FAM120B: variants seen among roughly 807,000 people sequenced by gnomAD.
FAM120B encodes constitutive coactivator of peroxisome proliferator-activated receptor gamma.
Under a neutral mutation model 96.3 loss-of-function variants are expected in FAM120B, and 83 were observed. The observed-to-expected ratio is 0.86, with a 90% CI of 0.72 to 1.03. The LOEUF is 1.03. FAM120B is among the 50% of genes least tolerant of loss of function. The pLI is 0.00. For missense variants in FAM120B, 1,027 were observed against 1,121.2 expected, an observed-to-expected ratio of 0.92 and a Z score of 1.20; for synonymous variants, 407 against 402.7, an observed-to-expected ratio of 1.01 and a Z score of -0.13.
intron 4 of FAM120B, among the ~76,000 whole-genome samples, chr6:170,347,088 A>G (rs1050868366): frequency 6.6e-6 from 1 of 152,228 alleles, no homozygotes; most frequent in African/African-American, 2.4e-5. Context: ...GGCGGGAAAT[A>G]TACCACTGAG....
At position 170,358,333 on chromosome 6, in the gene FAM120B, A is replaced by G. The variant is rs762742788; in HGVS notation, c.2283+15A>G. 2.5e-6 allele frequency: 4 copies of G among 1,570,266 alleles called. No individual in the cohort carries two copies. The South Asian group carries it at 3.4e-5, about 13-fold the overall frequency. On this transcript the variant is annotated intron_variant, in intron 6 of 10. Coordinates refer to ENST00000476287, the MANE Select transcript of FAM120B (RefSeq NM_032448.3). ...TAAATCTACAGGTACAGACGTGACC[A>G]GTTAGTTGTCACTGCCCGGAAGACA... is the stretch of plus-strand genomic sequence containing the variant.
chr6:170,397,756 G>A (rs909751377), intron 9 of FAM120B, among the ~76,000 whole-genome samples: 4 of 152,162 alleles, frequency 2.6e-5, no homozygotes, highest in Admixed American at 6.5e-5. Context: ...CTGGAGATCC[G>A]TGACCAGCCT....
At chr6:170,357,976 G>A (rs949506889) in intron 5 of FAM120B, among the ~76,000 whole-genome samples, 5 of 152,172 alleles carry the variant, frequency 3.3e-5, no homozygotes, top group African/African-American at 9.6e-5. Flanking sequence ...GCACCTGTGC[G>A]TGTGCCTGTG....
chr6:170,400,507 G>A (rs1178383136), intron 9 of FAM120B, among the ~76,000 whole-genome samples: 1 of 152,120 alleles, frequency 6.6e-6, no homozygotes, highest in Non-Finnish European at 1.5e-5. Context: ...CTCAAGCGCT[G>A]GTTCTGCCCC....
In FAM120B at chr6:170,323,099, C is replaced by G; in HGVS notation, c.1755C>G (p.Val585=). 1 of 1,612,942 alleles carries G rather than the reference C, an allele frequency of 6.2e-7. No individual in the cohort carries two copies. Among genetic ancestry groups the G allele is most frequent in the East Asian group, 2.2e-5 (1 of 44,798 alleles). The part of the protein sequence containing the change: ...EILKVARTHH[V]QAESYLVYNI... ...AACAGGTTGCTAGAACACATCACGT[C>G]CAAGCAGAAAGCTACCTGGTGTACA... is the stretch of plus-strand genomic sequence containing the variant. The change falls in exon 3 of 11, where the codon GTC becomes GTG. Residue 585 remains valine (V), a synonymous_variant. Transcript: ENST00000476287.
At chr6:170,393,322 C>G (rs1013224136) in intron 8 of FAM120B, among the ~76,000 whole-genome samples, 1 of 152,134 alleles carries the variant, frequency 6.6e-6, no homozygotes, top group African/African-American at 2.4e-5. Context: ...ACTCCTCTTT[C>G]ATTTCAGAGG....
Position 170,391,059 on chromosome 6 carries a change from A to G in FAM120B, c.2537A>G (p.Lys846Arg). ...CACAACCTGAAGGCAGTCGTCTGCAAGGCCTGCATGAAGGAGAACAGACGC... is the reference window on the plus strand; with the variant it reads ...CACAACCTGAAGGCAGTCGTCTGCAGGGCCTGCATGAAGGAGAACAGACGC... The part of the protein sequence containing the change: ...KFHNLKAVVC[K>R]ACMKENRRIT... Residue 846 changes from lysine to arginine, a missense_variant, in exon 8 of 11, where the codon AAG becomes AGG. Physicochemically the swap from Lys to Arg is conservative, Grantham distance 26 (BLOSUM62 2). This residue lies in a region of FAM120B where 142 missense variants were observed against 122.5 expected (regional missense o/e 1.16). Coordinates refer to ENST00000476287, the MANE Select transcript of FAM120B (RefSeq NM_032448.3). The G allele has an allele frequency of 6.2e-7, 1 of 1,614,194 alleles. No individual in the cohort carries two copies. The highest frequency in any genetic ancestry group is 1.3e-5 in the African/African-American group (1 of 75,060).
chr6:170,327,327 T>G (rs969792016), intron 3 of FAM120B, among the ~76,000 whole-genome samples: 7 of 152,188 alleles, frequency 4.6e-5, no homozygotes, highest in Non-Finnish European at 1.0e-4. Context: ...ATTACAGGCG[T>G]GAGCCACCGC....
At chr6:170,357,403 T>G (rs1428296498) in intron 5 of FAM120B, among the ~76,000 whole-genome samples, 1 of 152,152 alleles carries the variant, frequency 6.6e-6, no homozygotes, top group African/African-American at 2.4e-5. Context: ...CCTCTCCTTA[T>G]CTCCATCATC....
At chr6:170,294,489 C>T (rs1783954237), upstream of FAM120B, among the ~76,000 whole-genome samples, 1 of 152,134 alleles carries the variant, frequency 6.6e-6, no homozygotes, top group Non-Finnish European at 1.5e-5. The surrounding 1 kb of genome is among the most constrained non-coding windows in gnomAD (Gnocchi z 7.9). Context: ...ACAGCAACCA[C>T]ATGTGGAGTT....
intron 4 of FAM120B, among the ~76,000 whole-genome samples, chr6:170,345,202 A>T (rs763742037): frequency 6.6e-6 from 1 of 152,186 alleles, no homozygotes; most frequent in African/African-American, 2.4e-5. Context: ...AGTTTTGTTT[A>T]TAAGTGTCCT....
At chr6:170,394,157 C>T (rs1348476320) in intron 8 of FAM120B, among the ~76,000 whole-genome samples, 1 of 152,112 alleles carries the variant, frequency 6.6e-6, no homozygotes, top group African/African-American at 2.4e-5. Flanking sequence ...GATGACATCA[C>T]GGCAGGAAGG....
chr6:170,291,130 C>G (rs868755202), upstream of FAM120B: 1 of 617,210 alleles, frequency 1.6e-6, no homozygotes, highest in Middle Eastern at 4.3e-4. Flanking sequence ...CCCCGCCCCC[C>G]CAGTCCTCCC....
At chr6:170,327,361 G>C (rs1428386306) in intron 3 of FAM120B, among the ~76,000 whole-genome samples, 1 of 152,084 alleles carries the variant, frequency 6.6e-6, no homozygotes, top group Non-Finnish European at 1.5e-5. Context: ...GAATTTTATA[G>C]AGTATAATTT....
At chr6:170,297,400 C>T (rs547362016) in intron 1 of FAM120B, among the ~76,000 whole-genome samples, 1 of 152,356 alleles carries the variant, frequency 6.6e-6, no homozygotes, top group Non-Finnish European at 1.5e-5. Context: ...CGTTCCATCC[C>T]ATTCACAGGC....
intron 9 of FAM120B, among the ~76,000 whole-genome samples, chr6:170,396,639 C>T (rs1050109936): frequency 2.0e-5 from 3 of 152,114 alleles, no homozygotes; most frequent in African/African-American, 4.8e-5. Flanking sequence ...CCACTGAACA[C>T]GTGCAGTCCA....
intron 5 of FAM120B, among the ~76,000 whole-genome samples, chr6:170,350,779 A>G (rs1787522418): frequency 6.6e-6 from 1 of 152,252 alleles, no homozygotes; most frequent in African/African-American, 2.4e-5. Flanking sequence ...TTCAAAGGTT[A>G]TGGATAGGGT....
At chr6:170,302,517 C>G (rs534426518), upstream of FAM120B, among the ~76,000 whole-genome samples, 2 of 152,320 alleles carry the variant, frequency 1.3e-5, no homozygotes, top group South Asian at 4.1e-4. Flanking sequence ...ATAAAAACTG[C>G]AAATACATCT....
At chr6:170,350,793 A>G (rs1017489305) in intron 5 of FAM120B, among the ~76,000 whole-genome samples, 3 of 152,220 alleles carry the variant, frequency 2.0e-5, no homozygotes, top group African/African-American at 7.2e-5. Flanking sequence ...ATAGGGTTAG[A>G]GATCTCAAAG....
Sources: gnomAD v4.1 joint callset for allele counts (sites outside exome capture counted in the v4.1 genomes callset) on GRCh38, gnomAD v4.1.1 for gene constraint, gnomAD v4.1.1 regional missense constraint, Gnocchi (gnomAD v3.1) non-coding constraint, MANE v1.5 for transcripts, NCBI Gene and HGNC (gene_info 2026-07-23, HGNC 2026-07-21) for gene names.